The following STK4 variants were observed in gnomAD, a reference collection of about 807,000 sequenced individuals.
STK4 encodes the protein serine/threonine-protein kinase 4.
In STK4, 30 loss-of-function variants were observed where a neutral mutation model predicts 64.9. The observed-to-expected ratio is 0.46, with a 90% CI of 0.35 to 0.63. The LOEUF is 0.63. STK4 is among the 20% of genes least tolerant of loss of function. The pLI is 0.01. For synonymous variants in STK4, 177 were observed against 199.0 expected (o/e 0.89, Z 0.93); for missense variants, 466 against 598.5 (o/e 0.78, Z 2.31).
intron 10 of STK4, among the ~76,000 whole-genome samples, chr20:45,055,805 T>C (rs995434459): frequency 2.6e-5 from 4 of 151,968 alleles, no homozygotes; most frequent in Admixed American, 2.6e-4. Context: ...TGATCTTGGC[T>C]CACTGCAATC....
intron 10 of STK4, among the ~76,000 whole-genome samples, chr20:45,066,932 T>G (rs749695892): frequency 6.6e-6 from 1 of 152,190 alleles, no homozygotes; most frequent in Non-Finnish European, 1.5e-5. Flanking sequence ...GATTGTCATC[T>G]TCTTTGATTT....
chr20:45,006,852 C>G (rs987149908), intron 9 of STK4, among the ~76,000 whole-genome samples: 1 of 152,198 alleles, frequency 6.6e-6, no homozygotes, highest in African/African-American at 2.4e-5. Flanking sequence ...GAATTGAGTT[C>G]TGGCTTCCCC....
chr20:45,018,399 G>T (rs2068182342), intron 9 of STK4, among the ~76,000 whole-genome samples: 1 of 152,146 alleles, frequency 6.6e-6, no homozygotes, highest in Non-Finnish European at 1.5e-5. Context: ...GAAAATGAAG[G>T]TTTGAAATTG....
At chr20:45,044,786 A>C (rs1202522210) in intron 10 of STK4, among the ~76,000 whole-genome samples, 1 of 152,232 alleles carries the variant, frequency 6.6e-6, no homozygotes, top group African/African-American at 2.4e-5. Flanking sequence ...AGAAGGGTGA[A>C]TGGCCCAGGC....
chr20:44,971,690 T>C lies in STK4; in HGVS notation c.36-388T>C, dbSNP rs1454316122. 5.3e-5 allele frequency among the ~76,000 whole-genome samples: 7 copies of C among 133,050 alleles called. No individual in the cohort carries two copies. The East Asian group carries it at 1.2e-3, about 23-fold the overall frequency. The allele number at this position is 133,050 out of a possible 152,430, so 87.3% of individuals were successfully genotyped here. A position where few individuals can be genotyped will look rare whatever the true frequency, so the allele number is the denominator to read the frequency against. The stretch of plus-strand genomic sequence containing the variant: ...CTTTTTTTTTTTTTTTTTTTTTTTT[T>C]GAGACAGTCTCTCTCTGTCACCCAA... On this transcript the variant is annotated intron_variant, in intron 1 of 10. Transcript: ENST00000372806.
At chr20:44,973,003 A>G (rs891742970) in intron 2 of STK4, 12 of 151,504 alleles carry the variant, frequency 7.9e-5, no homozygotes, top group Non-Finnish European at 1.8e-4. Context: ...GAGACAGGCT[A>G]TGTGTGTGCG....
intron 9 of STK4, among the ~76,000 whole-genome samples, chr20:45,024,615 T>C (rs2068311217): frequency 6.6e-6 from 1 of 152,218 alleles, no homozygotes; most frequent in South Asian, 2.1e-4. Flanking sequence ...TTTTGCTTGC[T>C]TCTGTCTCAT....
intron 9 of STK4, among the ~76,000 whole-genome samples, chr20:45,012,255 C>T (rs537473907): frequency 6.6e-6 from 1 of 152,100 alleles, no homozygotes; most frequent in East Asian, 1.9e-4. Flanking sequence ...AGGATGGTCT[C>T]GATCTCCTGA....
intron 1 of STK4, among the ~76,000 whole-genome samples, chr20:44,966,919 A>G (rs555133085): frequency 3.9e-5 from 6 of 152,282 alleles, no homozygotes; most frequent in Non-Finnish European, 8.8e-5. Context: ...GCAGGGACTC[A>G]CGGAGGTGGG....
At chr20:45,048,948 T>C (rs186317068) in intron 10 of STK4, among the ~76,000 whole-genome samples, 8 of 152,326 alleles carry the variant, frequency 5.3e-5, no homozygotes, top group Admixed American at 2.6e-4. Flanking sequence ...GCTTCCCTTC[T>C]GTGCCTGCCT....
At chr20:45,057,933 T>C (rs543271733) in intron 10 of STK4, among the ~76,000 whole-genome samples, 5 of 152,300 alleles carry the variant, frequency 3.3e-5, no homozygotes, top group Non-Finnish European at 5.9e-5. Flanking sequence ...TCCTAAAATA[T>C]TTAGGCTATA....
intron 10 of STK4, among the ~76,000 whole-genome samples, chr20:45,062,989 C>CTTGTTTTTTTTTTTTTTT: frequency 3.2e-5 from 1 of 31,500 alleles, no homozygotes; most frequent in East Asian, 7.0e-4. Flanking sequence ...CGCACCCGGC[C>CTTGTTTTTTTTTTTTTTT]TTTTTTTTTT....
intron 9 of STK4, among the ~76,000 whole-genome samples, chr20:45,017,750 G>C (rs2068168770): frequency 6.6e-6 from 1 of 152,162 alleles, no homozygotes; most frequent in Non-Finnish European, 1.5e-5. Flanking sequence ...TATCTTTTTA[G>C]ATGTGCTGCC....
At chr20:45,071,086 A>T (rs1315550285) in intron 10 of STK4, among the ~76,000 whole-genome samples, 1 of 152,164 alleles carries the variant, frequency 6.6e-6, no homozygotes. Flanking sequence ...CAGATTTTTC[A>T]CGAGATAATC....
At chr20:45,067,704 A>T (rs554264134) in intron 10 of STK4, among the ~76,000 whole-genome samples, 1 of 152,160 alleles carries the variant, frequency 6.6e-6, no homozygotes, top group Non-Finnish European at 1.5e-5. Context: ...TGCCAGTGGC[A>T]CTCTGGGCCA....
At chr20:45,050,825 A>C (rs1213424919) in intron 10 of STK4, among the ~76,000 whole-genome samples, 1 of 152,098 alleles carries the variant, frequency 6.6e-6, no homozygotes, top group Non-Finnish European at 1.5e-5. Flanking sequence ...AGTTTTTCAC[A>C]TTCTAAGATT....
Position 45,078,864 on chromosome 20 carries a change from G to A in STK4, c.*3688G>A, listed in dbSNP as rs957738590. Reference sequence around the variant, plus strand: ...TTTAAATATCAGGAAGGAGAGAAGCGACATCATGATACATCCTATGGGTAT... The same window carrying A: ...TTTAAATATCAGGAAGGAGAGAAGCAACATCATGATACATCCTATGGGTAT... On this transcript the variant is annotated 3_prime_UTR_variant, in exon 11 of 11. Transcript: ENST00000372806. 6.6e-6 allele frequency: 1 copy of A among 152,192 alleles called. No homozygotes were observed. The highest frequency in any genetic ancestry group is 2.4e-5 in the African/African-American group (1 of 41,340). 9.4% of individuals were successfully genotyped at this position (152,192 alleles called of 1,614,324 possible).
intron 9 of STK4, among the ~76,000 whole-genome samples, chr20:45,019,182 A>G (rs528111475): frequency 5.1e-4 from 77 of 151,956 alleles, no homozygotes; most frequent in Middle Eastern, 3.2e-3. Flanking sequence ...AAAAAACTCT[A>G]ATCCTGTTAG....
rs1468417114 is a variant in STK4, at chr20:45,025,111, A to G, written c.1286A>G (p.Gln429Arg). ...AATTCTTCAGATTGGAAAATACCACAGGATGGAGACTACGAGTTTGTAAGT... is the reference window on the plus strand; with the variant it reads ...AATTCTTCAGATTGGAAAATACCACGGGATGGAGACTACGAGTTTGTAAGT... ...LKNSSDWKIP[Q>R]DGDYEFLKSW... Residue 429 changes from glutamine (Q) to arginine (R), a missense_variant, in exon 10 of 11, where the codon CAG (glutamine) becomes CGG (arginine). By Grantham distance (43) the Gln-to-Arg change is conservative. Transcript: ENST00000372806. The G allele has an allele frequency of 1.1e-5, 17 of 1,612,274 alleles. No homozygotes were observed. The highest frequency in any genetic ancestry group is 1.4e-5 in the Non-Finnish European group (17 of 1,179,360).
Sources: allele counts gnomAD v4.1 joint callset (sites outside exome capture counted in the v4.1 genomes callset), GRCh38; gene constraint gnomAD v4.1.1; transcripts MANE v1.5; gene names NCBI Gene and HGNC (gene_info 2026-07-23, HGNC 2026-07-21).